The following LRRK1 variants were observed in gnomAD, a reference collection of about 807,000 sequenced individuals.
LRRK1 encodes the protein leucine-rich repeat serine/threonine-protein kinase 1.
In LRRK1, 113 loss-of-function variants were observed where a neutral mutation model predicts 209.1. The ratio of observed to expected loss-of-function variants is 0.54; its 90% CI spans 0.46 to 0.63. LRRK1 has a LOEUF of 0.63. Ranked by LOEUF, LRRK1 falls within the 30% of genes least tolerant of loss-of-function variation. The pLI is 0.00. For missense variants in LRRK1, 2,284 were observed against 2,632.2 expected, an observed-to-expected ratio of 0.87 and a Z score of 2.89; for synonymous variants, 1,144 against 1,099.7, an observed-to-expected ratio of 1.04 and a Z score of -0.80.
intron 6 of LRRK1, among the ~76,000 whole-genome samples, chr15:100,994,749 T>C (rs764951960): frequency 2.6e-5 from 4 of 152,116 alleles, no homozygotes; most frequent in Non-Finnish European, 5.9e-5. Context: ...TCAAGTGAAT[T>C]TCAGAGGCAA....
At chr15:100,958,653 A>G (rs899851768) in intron 2 of LRRK1, among the ~76,000 whole-genome samples, 1 of 152,206 alleles carries the variant, frequency 6.6e-6, no homozygotes, top group African/African-American at 2.4e-5. Flanking sequence ...TCAAATAACA[A>G]TAATAGTAGC....
rs935735973 is a variant in LRRK1 at position 101,070,357 on chromosome 15, A to G, written c.*1509A>G. ...TTTACCAACCTGGGCACCAAGTCCC[A>G]GGGGGCTGAGGGTCTGTGCTTCCTG... On this transcript the variant is annotated 3_prime_UTR_variant, in exon 34 of 34. Transcript: ENST00000388948. The G allele has an allele frequency of 1.6e-5, 2 of 126,710 alleles. No homozygotes were observed. The highest frequency in any genetic ancestry group is 6.2e-5 in the African/African-American group (2 of 32,108). 7.8% of individuals were successfully genotyped at this position (126,710 alleles called of 1,614,324 possible). A position where few individuals can be genotyped will look rare whatever the true frequency, so the allele number is the denominator to read the frequency against.
Position 100,919,571 on chromosome 15 carries a change from C to T in LRRK1, c.-123+120C>T, listed in dbSNP as rs2041981395. The T allele has an allele frequency of 6.8e-6, 1 of 147,890 alleles. No individual in the cohort carries two copies. The highest frequency in any genetic ancestry group is 2.1e-4 in the South Asian group (1 of 4,816). 9.2% of individuals were successfully genotyped at this position (147,890 alleles called of 1,614,324 possible). On this transcript the variant is annotated intron_variant, in intron 1 of 33. Coordinates refer to ENST00000388948, the MANE Select transcript of LRRK1 (RefSeq NM_024652.6). This position sits in a 1 kb window ranked among gnomAD's most constrained non-coding sequence, Gnocchi z 5.8. ...CCTCGGCCTCTGCCTGCCCGCGGGC[C>T]CCTGCGCTCCGGGCGGCCGCGTGGT...
chr15:100,924,785 G>A lies in LRRK1; in HGVS notation c.97+56G>A, dbSNP rs1352034880. 5.2e-6 allele frequency: 7 copies of A among 1,334,500 alleles called. 1 individual carries two copies. Among genetic ancestry groups the A allele is most frequent in the South Asian group, 3.5e-5 (3 of 84,952 alleles). The allele number at this position is 1,334,500 out of a possible 1,614,324, so 82.7% of individuals were successfully genotyped here. ...GGGTGTGACCTGCCATGCTCATCCT[G>A]CAGGGTGTCTAGGCTATGTAAGAAC... On this transcript the variant is annotated intron_variant, in intron 2 of 33. Transcript: ENST00000388948.
At chr15:100,991,064 C>T (rs1319657621) in intron 6 of LRRK1, among the ~76,000 whole-genome samples, 2 of 152,306 alleles carry the variant, frequency 1.3e-5, no homozygotes, top group Non-Finnish European at 2.9e-5. Flanking sequence ...TCCAGATAGC[C>T]AGCTACTCTA....
Position 100,973,920 on chromosome 15 carries a change from G to A in LRRK1, c.214G>A (p.Asp72Asn). 7.9e-7 allele frequency: 1 copy of A among 1,265,390 alleles called. No homozygotes were observed. Among genetic ancestry groups the A allele is most frequent in the Non-Finnish European group, 1.0e-6 (1 of 999,870 alleles). The allele number at this position is 1,265,390 out of a possible 1,614,324, so 78.4% of individuals were successfully genotyped here. ...YRRGDRGGAR[D>N]LLEEACDQCA... ...GCGGGGAGACCGCGGCGGCGCCCGG[G>A]ACCTGCTGGAGGAGGCCTGCGACCA... Residue 72 changes from aspartate (D) to asparagine (N), a missense_variant, in exon 3 of 34, where the codon GAC becomes AAC. By Grantham distance (23) the Asp-to-Asn change is conservative. This residue lies in a region of LRRK1 where 174 missense variants were observed against 133.5 expected (regional missense o/e 1.30). Coordinates refer to ENST00000388948, the MANE Select transcript of LRRK1 (RefSeq NM_024652.6).
intron 32 of LRRK1, 130 bp downstream of exon 32, chr15:101,066,335 G>A: frequency 7.7e-7 from 1 of 1,305,320 alleles, no homozygotes; most frequent in African/African-American, 1.5e-5. Flanking sequence ...TTCCAAGAGG[G>A]TTGGTTTCCT....
At chr15:100,923,315 C>T (rs903229147) in intron 1 of LRRK1, among the ~76,000 whole-genome samples, 3 of 152,212 alleles carry the variant, frequency 2.0e-5, no homozygotes, top group Non-Finnish European at 4.4e-5. Flanking sequence ...GTGACACAGG[C>T]AGTCCACACC....
intron 4 of LRRK1, among the ~76,000 whole-genome samples, chr15:100,984,257 ACT>A (rs2031753764): frequency 6.6e-6 from 1 of 152,160 alleles, no homozygotes; most frequent in Non-Finnish European, 1.5e-5. Flanking sequence ...TTTCCCTATA[ACT>A]CTGTTTTGTG....
chr15:100,977,049 G>C (rs2053571594), intron 3 of LRRK1, among the ~76,000 whole-genome samples: 1 of 152,178 alleles, frequency 6.6e-6, no homozygotes, highest in Admixed American at 6.5e-5. Flanking sequence ...AAAAGGTAGA[G>C]AAAAGAAGGC....
chr15:101,060,622 C>T (rs1230176632), intron 29 of LRRK1, among the ~76,000 whole-genome samples: 1 of 152,264 alleles, frequency 6.6e-6, no homozygotes, highest in Non-Finnish European at 1.5e-5. Context: ...CCATCAGCTT[C>T]AGCCTCCTCT....
chr15:101,062,139 G>A (rs1226755452), intron 30 of LRRK1, among the ~76,000 whole-genome samples: 1 of 152,162 alleles, frequency 6.6e-6, no homozygotes, highest in African/African-American at 2.4e-5. Context: ...AAAGCGTGCT[G>A]TTGCATGGGA....
intron 6 of LRRK1, 41 bp downstream of exon 6, chr15:100,989,439 T>C (rs759903702): frequency 1.2e-5 from 20 of 1,603,640 alleles, no homozygotes; most frequent in East Asian, 8.9e-5. Context: ...TAGTTCCTTT[T>C]GTGCTGCTGT....
intron 3 of LRRK1, among the ~76,000 whole-genome samples, chr15:100,980,807 C>A (rs930131809): frequency 6.6e-6 from 1 of 152,150 alleles, no homozygotes; most frequent in African/African-American, 2.4e-5. Context: ...CACCATAGGG[C>A]AGTTACTAGA....
At chr15:101,023,958 T>C (rs760378920) in intron 15 of LRRK1, among the ~76,000 whole-genome samples, 11 of 152,360 alleles carry the variant, frequency 7.2e-5, no homozygotes, top group South Asian at 2.1e-4. Flanking sequence ...TTAACAGTTA[T>C]GCAATCTCAT....
At chr15:100,950,182 T>C (rs2042618086) in intron 2 of LRRK1, among the ~76,000 whole-genome samples, 1 of 152,190 alleles carries the variant, frequency 6.6e-6, no homozygotes, top group Non-Finnish European at 1.5e-5. Context: ...TAAAAATCAA[T>C]TGTGGTTGTA....
chr15:100,932,580 C>T (rs921493638), intron 2 of LRRK1, among the ~76,000 whole-genome samples: 4 of 152,156 alleles, frequency 2.6e-5, no homozygotes, highest in Non-Finnish European at 5.9e-5. Flanking sequence ...TAAAAATTAT[C>T]AAAGGAAGGC....
Position 101,056,908 on chromosome 15 carries a change from G to A in LRRK1, c.4385G>A (p.Arg1462His), listed in dbSNP as rs1330683300. 2.0e-5 allele frequency: 32 copies of A among 1,613,936 alleles called. No individual in the cohort carries two copies. The highest frequency in any genetic ancestry group is 2.7e-5 in the Non-Finnish European group (32 of 1,179,994). Residue 1462 changes from arginine to histidine, a missense_variant, in exon 28 of 34, where the codon CGC becomes CAC. Around this residue, in one of 6 missense-constraint regions of LRRK1, gnomAD observed 59 missense variants for 103.8 expected, o/e 0.57. Coordinates refer to ENST00000388948, the MANE Select transcript of LRRK1 (RefSeq NM_024652.6). ...CTCTACGAGTTGCTGTCAGGACAGC[G>A]CCCTGCACTGGGCCACCACCAGCTC... ...MVLYELLSGQ[R>H]PALGHHQLQI...
At chr15:101,054,399 G>C (rs1293410759) in intron 26 of LRRK1, among the ~76,000 whole-genome samples, 1 of 152,244 alleles carries the variant, frequency 6.6e-6, no homozygotes, top group Non-Finnish European at 1.5e-5. Context: ...TAAGATATCA[G>C]GAATGAAGCT....
Sources: allele counts gnomAD v4.1 joint callset (sites outside exome capture counted in the v4.1 genomes callset), GRCh38; gene constraint gnomAD v4.1.1; regional missense constraint gnomAD v4.1.1; non-coding constraint Gnocchi (gnomAD v3.1); transcripts MANE v1.5; gene names NCBI Gene and HGNC (gene_info 2026-07-23, HGNC 2026-07-21).